MAPK1IP1L: variants seen among roughly 807,000 people sequenced by gnomAD.
MAPK1IP1L encodes mitogen-activated protein kinase 1 interacting protein 1 like, also known as MAPK-interacting and spindle-stabilizing protein-like.
MAPK1IP1L carries 10 observed loss-of-function variants against 18.1 expected under a neutral mutation model. That is an observed-to-expected ratio of 0.55 (90% CI 0.34 to 0.94). MAPK1IP1L has a LOEUF of 0.94. Among genes scored for constraint, MAPK1IP1L ranks in the 40% least tolerant of loss-of-function variants. The probability of loss-of-function intolerance (pLI) is 0.02; values close to 1 mark genes in which losing one functional copy is unlikely to be tolerated. For missense variants in MAPK1IP1L, 260 were observed against 318.2 expected (o/e 0.82, Z 1.39); for synonymous variants, 115 against 117.3 (o/e 0.98, Z 0.13).
Position 55,060,207 on chromosome 14 carries a change from C to A in MAPK1IP1L, c.-4-1473C>A, listed in dbSNP as rs1461750382. The stretch of plus-strand genomic sequence containing the variant: ...TTTTTTTTGATATGGAGTAGCCCTC[C>A]GTTGCCCAGGCTGGAGTGCAGTGGC... On this transcript the variant is annotated intron_variant, in intron 1 of 3. Coordinates refer to ENST00000395468, the MANE Select transcript of MAPK1IP1L (RefSeq NM_144578.4). Among the ~76,000 whole-genome samples the A allele has an allele frequency of 5.7e-5, 7 of 122,700 alleles. No individual in the cohort carries two copies. The Admixed American group carries it at 6.0e-4, about 10-fold the overall frequency. 80.5% of individuals were successfully genotyped at this position (122,700 alleles called of 152,430 possible).
chr14:55,069,150 C>G lies in MAPK1IP1L; in HGVS notation c.*4523C>G, dbSNP rs868166742. 5 of 152,234 alleles carry G rather than the reference C, an allele frequency of 3.3e-5. No homozygotes were observed. Among genetic ancestry groups the G allele is most frequent in the South Asian group, 4.1e-4 (2 of 4,834 alleles). The allele number at this position is 152,234 out of a possible 1,614,324, so 9.4% of individuals were successfully genotyped here. A position where few individuals can be genotyped will look rare whatever the true frequency, so the allele number is the denominator to read the frequency against. Reference sequence around the variant, plus strand: ...GGCACTTTCACTGCCTGTCACTGATCAGCAGATACTGACTTGTTGCCATTA... The same window carrying G: ...GGCACTTTCACTGCCTGTCACTGATGAGCAGATACTGACTTGTTGCCATTA... On this transcript the variant is annotated 3_prime_UTR_variant, in exon 4 of 4. Coordinates refer to ENST00000395468, the MANE Select transcript of MAPK1IP1L (RefSeq NM_144578.4).
In MAPK1IP1L at chr14:55,051,705, T is replaced by C; in HGVS notation, c.-103T>C. Reference sequence around the variant, plus strand: ...CTGCTGGTGCTGTTGCCGCCGCTGCTCTAGCTGCCGTCAGTCAGGCTGCGC... The same window carrying C: ...CTGCTGGTGCTGTTGCCGCCGCTGCCCTAGCTGCCGTCAGTCAGGCTGCGC... On this transcript the variant is annotated 5_prime_UTR_variant, in exon 1 of 4. Transcript: ENST00000395468. 1.9e-6 allele frequency: 1 copy of C among 516,334 alleles called. No homozygotes were observed. The highest frequency in any genetic ancestry group is 1.4e-5 in the South Asian group (1 of 71,464). 32.0% of individuals were successfully genotyped at this position (516,334 alleles called of 1,614,324 possible). A position where few individuals can be genotyped will look rare whatever the true frequency, so the allele number is the denominator to read the frequency against.
rs538309183 is a variant in MAPK1IP1L at position 55,069,137 on chromosome 14, G to C, written c.*4510G>C. On this transcript the variant is annotated 3_prime_UTR_variant, in exon 4 of 4. Coordinates refer to ENST00000395468, the MANE Select transcript of MAPK1IP1L (RefSeq NM_144578.4). Reference sequence around the variant, plus strand: ...ACCCCTGGATAAAGGCACTTTCACTGCCTGTCACTGATCAGCAGATACTGA... The same window carrying C: ...ACCCCTGGATAAAGGCACTTTCACTCCCTGTCACTGATCAGCAGATACTGA... 2 of 152,134 alleles carry C rather than the reference G, an allele frequency of 1.3e-5. No homozygotes were observed. Among genetic ancestry groups the C allele is most frequent in the East Asian group, 3.9e-4 (2 of 5,180 alleles). 9.4% of individuals were successfully genotyped at this position (152,134 alleles called of 1,614,324 possible).
intron 1 of MAPK1IP1L, among the ~76,000 whole-genome samples, chr14:55,056,994 A>G (rs560288329): frequency 3.8e-4 from 58 of 152,364 alleles, no homozygotes; most frequent in African/African-American, 1.3e-3. Context: ...CATGAGATCA[A>G]TTCATTAGAT....
At chr14:55,056,020 G>A (rs73268012) in intron 1 of MAPK1IP1L, among the ~76,000 whole-genome samples, 19,859 of 152,146 alleles carry the variant, frequency 0.13, 1,485 homozygotes, top group South Asian at 0.16. Flanking sequence ...CACAGATAAG[G>A]GGGGATCACC....
intron 2 of MAPK1IP1L, 56 bp downstream of exon 2, chr14:55,061,757 GGTC>G (rs1259751708): frequency 2.2e-6 from 3 of 1,346,492 alleles, no homozygotes; most frequent in Non-Finnish European, 2.1e-6. Flanking sequence ...AAAACAACAT[GGTC>G]CTAACTGGGC....
chr14:55,068,982 G>A lies in MAPK1IP1L; in HGVS notation c.*4355G>A, dbSNP rs1221587427. 1 of 150,736 alleles carries A rather than the reference G, an allele frequency of 6.6e-6. No individual in the cohort carries two copies. Among genetic ancestry groups the A allele is most frequent in the Non-Finnish European group, 1.5e-5 (1 of 67,852 alleles). 9.3% of individuals were successfully genotyped at this position (150,736 alleles called of 1,614,324 possible). On this transcript the variant is annotated 3_prime_UTR_variant, in exon 4 of 4. Coordinates refer to ENST00000395468, the MANE Select transcript of MAPK1IP1L (RefSeq NM_144578.4). Reference sequence around the variant, plus strand: ...GGTGGAAATTGTAACCAGCCTTTGGGCATCTTAAAGGGTGACATGTGGCAT... The same window carrying A: ...GGTGGAAATTGTAACCAGCCTTTGGACATCTTAAAGGGTGACATGTGGCAT...
At position 55,068,992 on chromosome 14, in the gene MAPK1IP1L, G is replaced by A. The variant is rs2042885825; in HGVS notation, c.*4365G>A. On this transcript the variant is annotated 3_prime_UTR_variant, in exon 4 of 4. Transcript: ENST00000395468. ...GTAACCAGCCTTTGGGCATCTTAAA[G>A]GGTGACATGTGGCATGCCTTTTTTT... 1 of 151,978 alleles carries A rather than the reference G, an allele frequency of 6.6e-6. No individual in the cohort carries two copies. Among genetic ancestry groups the A allele is most frequent in the African/African-American group, 2.4e-5 (1 of 41,352 alleles). The allele number at this position is 151,978 out of a possible 1,614,324, so 9.4% of individuals were successfully genotyped here. A position where few individuals can be genotyped will look rare whatever the true frequency, so the allele number is the denominator to read the frequency against.
At chr14:55,056,710 C>G (rs541082462) in intron 1 of MAPK1IP1L, among the ~76,000 whole-genome samples, 454 of 152,250 alleles carry the variant, frequency 3.0e-3, no homozygotes, top group Middle Eastern at 0.017. Flanking sequence ...GGGGTTTCAC[C>G]TTGTTAGCCA....
intron 1 of MAPK1IP1L, among the ~76,000 whole-genome samples, chr14:55,059,380 C>T (rs187301798): frequency 6.6e-6 from 1 of 152,050 alleles, no homozygotes; most frequent in East Asian, 1.9e-4. Context: ...GCCTGTAATC[C>T]CAAGACTTTG....
At chr14:55,063,377 G>T in intron 3 of MAPK1IP1L, 52 bp downstream of exon 3, 1 of 1,443,600 alleles carries the variant, frequency 6.9e-7, no homozygotes, top group South Asian at 1.3e-5. Flanking sequence ...TAGCACAACT[G>T]ACATTGTTTC....
In MAPK1IP1L at chr14:55,069,286, C is replaced by G. The variant is rs45589533; in HGVS notation, c.*4659C>G. 3.0e-4 allele frequency: 46 copies of G among 152,638 alleles called. No individual in the cohort carries two copies. The highest frequency in any genetic ancestry group is 6.3e-4 in the Non-Finnish European group (43 of 67,996). The allele number at this position is 152,638 out of a possible 1,614,324, so 9.5% of individuals were successfully genotyped here. A position where few individuals can be genotyped will look rare whatever the true frequency, so the allele number is the denominator to read the frequency against. Reference sequence around the variant, plus strand: ...AATTTAATGTATGTAATTGTCTATGCATTTTAAGTTAAACTGCCTAAAATG... The same window carrying G: ...AATTTAATGTATGTAATTGTCTATGGATTTTAAGTTAAACTGCCTAAAATG... On this transcript the variant is annotated 3_prime_UTR_variant, in exon 4 of 4. Coordinates refer to ENST00000395468, the MANE Select transcript of MAPK1IP1L (RefSeq NM_144578.4).
chr14:55,062,698 C>A lies in MAPK1IP1L; in HGVS notation c.99C>A (p.Gly33=). The A allele has an allele frequency of 5.6e-6, 9 of 1,614,188 alleles. No individual in the cohort carries two copies. Among genetic ancestry groups the A allele is most frequent in the Non-Finnish European group, 7.6e-6 (9 of 1,180,028 alleles). Residue 33 remains glycine, a synonymous_variant, in exon 3 of 4, where the codon GGC becomes GGA. Coordinates refer to ENST00000395468, the MANE Select transcript of MAPK1IP1L (RefSeq NM_144578.4). ...CAAAACCTGGCCAACCTCCTCAAGG[C>A]TGGCCAGGCTCCAACCCTTGGAATA... ...SNTKPGQPPQ[G]WPGSNPWNNP...
At chr14:55,059,938 G>T (rs1030628150) in intron 1 of MAPK1IP1L, among the ~76,000 whole-genome samples, 8 of 152,080 alleles carry the variant, frequency 5.3e-5, no homozygotes, top group Admixed American at 3.3e-4. Flanking sequence ...GATAATTATT[G>T]TTTGGAAGAA....
At chr14:55,061,250 A>G (rs1272386947) in intron 1 of MAPK1IP1L, among the ~76,000 whole-genome samples, 2 of 152,220 alleles carry the variant, frequency 1.3e-5, no homozygotes, top group African/African-American at 4.8e-5. Flanking sequence ...CCAGTGGTAA[A>G]AGGAGTTAGA....
chr14:55,056,810 T>A (rs1032963827), intron 1 of MAPK1IP1L, among the ~76,000 whole-genome samples: 1 of 151,994 alleles, frequency 6.6e-6, no homozygotes, highest in Non-Finnish European at 1.5e-5. Context: ...CGCCCGGCCA[T>A]GTTTTTTGAT....
chr14:55,062,597 C>T (rs773806360), intron 2 of MAPK1IP1L, 21 bp from the exon 3 acceptor site: 7 of 1,582,150 alleles, frequency 4.4e-6, no homozygotes, highest in Admixed American at 1.7e-5. Context: ...ATAGGAAAGA[C>T]GTATCTGTTT....
At chr14:55,064,220 CT>C (rs1170163054) in intron 3 of MAPK1IP1L, among the ~76,000 whole-genome samples, 4 of 151,426 alleles carry the variant, frequency 2.6e-5, no homozygotes, top group Non-Finnish European at 5.9e-5. Context: ...TCTTGAACTC[CT>C]GACCTCAAGT....
rs759721101 is a variant in MAPK1IP1L at position 55,051,670 on chromosome 14, G to T, written c.-138G>T. On this transcript the variant is annotated 5_prime_UTR_variant, in exon 1 of 4. Transcript: ENST00000395468. ...GCGCTTCCTGTTCCGGCGCCAGGAG[G>T]AGCCGCGCGCTGCTGGTGCTGTTGC... is the stretch of plus-strand genomic sequence containing the variant. 5.8e-6 allele frequency: 3 copies of T among 514,638 alleles called. No individual in the cohort carries two copies. The highest frequency in any genetic ancestry group is 7.7e-6 in the Non-Finnish European group (2 of 258,888). 31.9% of individuals were successfully genotyped at this position (514,638 alleles called of 1,614,324 possible).
Sources: gnomAD v4.1 joint callset for allele counts (sites outside exome capture counted in the v4.1 genomes callset) on GRCh38, gnomAD v4.1.1 for gene constraint, MANE v1.5 for transcripts, NCBI Gene and HGNC (gene_info 2026-07-23, HGNC 2026-07-21) for gene names.